CEP20: variants seen among roughly 807,000 people sequenced by gnomAD.
CEP20 encodes centrosomal protein 20.
CEP20 carries 18 observed loss-of-function variants against 20.0 expected under a neutral mutation model. The observed-to-expected ratio is 0.90, with a 90% CI of 0.62 to 1.34. The LOEUF is 1.34. CEP20 is among the 40% of genes most tolerant of loss of function. The pLI, the probability that CEP20 is intolerant of heterozygous loss-of-function variation, is 0.00. For missense variants in CEP20, 215 were observed against 201.6 expected (o/e 1.07, Z -0.40); for synonymous variants, 77 against 73.7 (o/e 1.04, Z -0.23).
intron 3 of CEP20, among the ~76,000 whole-genome samples, chr16:15,876,008 G>A (rs2044935419): frequency 6.6e-6 from 1 of 150,554 alleles, no homozygotes; most frequent in African/African-American, 2.4e-5. Context: ...TGAGGCAGAA[G>A]AGTCACTTGA....
Position 15,884,191 on chromosome 16 carries a change from A to G in CEP20, c.43T>C (p.Leu15=). 6.2e-7 allele frequency: 1 copy of G among 1,610,658 alleles called. No individual in the cohort carries two copies. The highest frequency in any genetic ancestry group is 8.5e-7 in the Non-Finnish European group (1 of 1,177,372). The change falls in exon 2 of 5, where the codon TTG becomes CTG. Residue 15 remains leucine (L), a synonymous_variant. Transcript: ENST00000255759. ...TGCCCTAATACCCCCTTTTTTTCCA[A>G]GGTGTCCTTTAAAACTGTTCGATAT... is the stretch of plus-strand genomic sequence containing the variant. ...AELKAVLKDT[L]EKKGVLGHLK...
At chr16:15,872,499 G>A (rs1349970480) in intron 4 of CEP20, among the ~76,000 whole-genome samples, 2 of 152,032 alleles carry the variant, frequency 1.3e-5, no homozygotes, top group Non-Finnish European at 2.9e-5. Flanking sequence ...ACTTAAGACC[G>A]AGTTCAAGAC....
At position 15,867,592 on chromosome 16, in the gene CEP20, T is replaced by C. The variant is rs113442418; in HGVS notation, c.449-76A>G. 2,775 of 913,480 alleles carry C rather than the reference T, an allele frequency of 3.0e-3. 19 individuals carry two copies. Among genetic ancestry groups the C allele is most frequent in the Middle Eastern group, 0.015 (66 of 4,446 alleles). 56.6% of individuals were successfully genotyped at this position (913,480 alleles called of 1,614,324 possible). A position where few individuals can be genotyped will look rare whatever the true frequency, so the allele number is the denominator to read the frequency against. On this transcript the variant is annotated intron_variant, in intron 4 of 4. Coordinates refer to ENST00000255759, the MANE Select transcript of CEP20 (RefSeq NM_144600.4). ...AGATAGGTAGACATAGCTACAAATATCTTAGGATGTTACATATTTAATATT... is the reference window on the plus strand; with the variant it reads ...AGATAGGTAGACATAGCTACAAATACCTTAGGATGTTACATATTTAATATT...
chr16:15,870,740 G>A (rs1033804774), intron 4 of CEP20, among the ~76,000 whole-genome samples: 1 of 152,028 alleles, frequency 6.6e-6, no homozygotes, highest in African/African-American at 2.4e-5. Flanking sequence ...GATCCCAGGA[G>A]TTTGAGGCTA....
chr16:15,887,094 G>A (rs2045264099), intron 1 of CEP20, among the ~76,000 whole-genome samples: 2 of 151,704 alleles, frequency 1.3e-5, no homozygotes, highest in Admixed American at 6.6e-5. Context: ...AAATAAAGAT[G>A]GGGTCTCACC....
chr16:15,880,993 A>G (rs1431747434), intron 2 of CEP20, among the ~76,000 whole-genome samples: 1 of 151,972 alleles, frequency 6.6e-6, no homozygotes, highest in Non-Finnish European at 1.5e-5. Flanking sequence ...AGTTATAATT[A>G]TTTCATTATA....
intron 3 of CEP20, among the ~76,000 whole-genome samples, chr16:15,876,862 T>TC (rs2044964058): frequency 6.6e-6 from 1 of 151,794 alleles, no homozygotes; most frequent in African/African-American, 2.4e-5. Flanking sequence ...CTTTTTTTTT[T>TC]TTTTTTGGAA....
intron 3 of CEP20, among the ~76,000 whole-genome samples, chr16:15,876,407 G>A (rs58884499): frequency 0.069 from 10,416 of 151,714 alleles, 471 homozygotes; most frequent in East Asian, 0.22. Flanking sequence ...CCTGGGAGGC[G>A]GCAGTTGCCG....
Position 15,884,209 on chromosome 16 carries a change from T to C in CEP20, c.29-4A>G, listed in dbSNP as rs2045185454. ...TTTTCCAAGGTGTCCTTTAAAACTG[T>C]TCGATATAAAATATTAAGGCTTCAG... is the stretch of plus-strand genomic sequence containing the variant. On this transcript the variant is annotated splice_region_variant and splice_polypyrimidine_tract_variant and intron_variant, in intron 1 of 4. Transcript: ENST00000255759. The C allele has an allele frequency of 6.3e-7, 1 of 1,596,042 alleles. No homozygotes were observed. The highest frequency in any genetic ancestry group is 8.6e-7 in the Non-Finnish European group (1 of 1,168,686).
chr16:15,872,497 C>A (rs1006906007), intron 4 of CEP20, among the ~76,000 whole-genome samples: 10 of 152,018 alleles, frequency 6.6e-5, no homozygotes, highest in Admixed American at 1.3e-4. Context: ...TCACTTAAGA[C>A]CGAGTTCAAG....
chr16:15,867,600 T>C, intron 4 of CEP20, 84 bp from the exon 5 acceptor site: 3 of 854,896 alleles, frequency 3.5e-6, no homozygotes, highest in Non-Finnish European at 5.5e-6. Flanking sequence ...TATCTTAGGA[T>C]GTTACATATT....
intron 3 of CEP20, among the ~76,000 whole-genome samples, chr16:15,874,163 T>C (rs904249005): frequency 7.9e-4 from 121 of 152,324 alleles, no homozygotes; most frequent in African/African-American, 2.9e-3. Context: ...GCACCGTCCC[T>C]CCCTTATAGG....
chr16:15,886,698 C>T (rs1389003002), intron 1 of CEP20, among the ~76,000 whole-genome samples: 2 of 152,124 alleles, frequency 1.3e-5, no homozygotes, highest in Admixed American at 1.3e-4. Context: ...GAAGGAAAAA[C>T]GTGATCGTGC....
intron 3 of CEP20, among the ~76,000 whole-genome samples, chr16:15,876,513 T>C (rs1003423020): frequency 9.3e-5 from 14 of 150,958 alleles, no homozygotes; most frequent in African/African-American, 3.4e-4. Context: ...TGGCCCACAC[T>C]GGAGTGCAGC....
chr16:15,882,780 TAG>T (rs1491298146), intron 2 of CEP20, among the ~76,000 whole-genome samples: 877 of 24,460 alleles, frequency 0.036, 6 homozygotes, highest in East Asian at 0.21. Context: ...TCTATCTATC[TAG>T]ATACACACAC....
intron 2 of CEP20, among the ~76,000 whole-genome samples, chr16:15,882,774 T>TACACACACACACACA (rs879853404): frequency 1.5e-5 from 1 of 68,544 alleles, no homozygotes. Flanking sequence ...TATCTATCTA[T>TACACACACACACACA]CTATCTAGAT....
chr16:15,885,845 A>G (rs1267383368), intron 1 of CEP20: 1 of 152,292 alleles, frequency 6.6e-6, no homozygotes, highest in East Asian at 1.9e-4. Flanking sequence ...CTTACTGATT[A>G]GCCAGAGTCA....
At chr16:15,878,903 A>C (rs1481064265) in intron 3 of CEP20, among the ~76,000 whole-genome samples, 1 of 152,046 alleles carries the variant, frequency 6.6e-6, no homozygotes, top group African/African-American at 2.4e-5. Context: ...GGCACGAGAT[A>C]CCTCACTTGG....
At chr16:15,869,309 C>T (rs1438084566) in intron 4 of CEP20, among the ~76,000 whole-genome samples, 1 of 131,878 alleles carries the variant, frequency 7.6e-6, no homozygotes, top group East Asian at 2.2e-4. Context: ...TTCTTTCTTT[C>T]CTTTTTTTTT....
Sources: allele counts gnomAD v4.1 joint callset (sites outside exome capture counted in the v4.1 genomes callset), GRCh38; gene constraint gnomAD v4.1.1; transcripts MANE v1.5; gene names NCBI Gene and HGNC (gene_info 2026-07-23, HGNC 2026-07-21).